Variants in F5 observed in about 807,000 individuals in gnomAD.
F5 encodes the protein coagulation factor V.
A neutral mutation model predicts 216.4 loss-of-function variants in F5; 138 were observed. The observed-to-expected ratio is 0.64, with a 90% confidence interval of 0.56 to 0.73. The LOEUF is 0.73. Among genes scored for constraint, F5 ranks in the 30% least tolerant of loss-of-function variants. The pLI is 0.00. For missense variants in F5, 2,403 were observed against 2,674.0 expected, an observed-to-expected ratio of 0.90 and a Z score of 2.24; for synonymous variants, 916 against 930.7, an observed-to-expected ratio of 0.98 and a Z score of 0.29.
intron 8 of F5, 95 bp downstream of exon 8, chr1:169,552,462 G>T (rs544211979): frequency 1.9e-6 from 2 of 1,028,440 alleles, no homozygotes; most frequent in East Asian, 2.5e-5. Flanking sequence ...AAAATTATAT[G>T]AGCATCTTTT....
intron 10 of F5, among the ~76,000 whole-genome samples, chr1:169,548,852 G>T (rs1279692239): frequency 1.4e-5 from 2 of 146,560 alleles, no homozygotes; most frequent in Non-Finnish European, 3.0e-5. Flanking sequence ...CTGGGTGACA[G>T]AGTGAGACTC....
At chr1:169,557,458 C>G (rs752122703) in intron 5 of F5, among the ~76,000 whole-genome samples, 1 of 152,086 alleles carries the variant, frequency 6.6e-6, no homozygotes, top group Non-Finnish European at 1.5e-5. Flanking sequence ...GTTTTAATGA[C>G]AAGTCAACGA....
At chr1:169,574,714 A>C (rs1660804219) in intron 2 of F5, among the ~76,000 whole-genome samples, 1 of 152,222 alleles carries the variant, frequency 6.6e-6, no homozygotes, top group Non-Finnish European at 1.5e-5. Flanking sequence ...ACTGAGCCTC[A>C]GAGAGTTTAA....
rs1477858141 is a variant in F5, at chr1:169,560,608, G to C, written c.532C>G (p.Leu178Val). 1 of 1,613,726 alleles carries C rather than the reference G, an allele frequency of 6.2e-7. No individual in the cohort carries two copies. The highest frequency in any genetic ancestry group is 2.2e-5 in the East Asian group (1 of 44,842). Residue 178 changes from leucine (L) to valine (V), a missense_variant, in exon 4 of 25, where the codon CTG (leucine) becomes GTG (valine). By Grantham distance (32) the Leu-to-Val change is conservative. Around this residue, in one of 4 missense-constraint regions of F5, gnomAD observed 1,425 missense variants for 1,554.8 expected, o/e 0.92. Coordinates refer to ENST00000367797, the MANE Select transcript of F5 (RefSeq NM_000130.5). ...LTHIYYSHENLIEDFNSGLIG... is the reference protein window; with the variant it reads ...LTHIYYSHENVIEDFNSGLIG... ...AGCCCCGAGTTGAAATCCTCGATCAGATTTTCATGGGAGTAATAGATGTGT... is the reference window on the plus strand; with the variant it reads ...AGCCCCGAGTTGAAATCCTCGATCACATTTTCATGGGAGTAATAGATGTGT...
intron 15 of F5, among the ~76,000 whole-genome samples, chr1:169,530,096 A>C (rs1179385119): frequency 6.6e-6 from 1 of 152,214 alleles, no homozygotes; most frequent in Non-Finnish European, 1.5e-5. Flanking sequence ...TTACTATATT[A>C]AATGATTTGC....
Position 169,543,020 on chromosome 1 carries a change from T to C in F5, c.2070A>G (p.Glu690=), listed in dbSNP as rs78621730. The C allele has an allele frequency of 2.5e-6, 4 of 1,614,052 alleles. No homozygotes were observed. The highest frequency in any genetic ancestry group is 3.4e-6 in the Non-Finnish European group (4 of 1,179,924). ...GAGGTTCAAAAATCTCATATGAGTCTTCATCATCATCTGGGATACATTTAA... is the reference window on the plus strand; with the variant it reads ...GAGGTTCAAAAATCTCATATGAGTCCTCATCATCATCTGGGATACATTTAA... ...RDVKCIPDDD[E]DSYEIFEPPE... The change falls in exon 13 of 25, where the codon GAA becomes GAG. Residue 690 remains glutamate, a synonymous_variant. Coordinates refer to ENST00000367797, the MANE Select transcript of F5 (RefSeq NM_000130.5).
intron 1 of F5, among the ~76,000 whole-genome samples, chr1:169,585,483 T>G (rs898356772): frequency 1.3e-5 from 2 of 152,178 alleles, no homozygotes; most frequent in Admixed American, 6.6e-5. Context: ...TTCTGAGAAG[T>G]CTTATTTTTA....
chr1:169,560,837 G>T, intron 3 of F5, 71 bp from the exon 4 acceptor site: 1 of 1,381,976 alleles, frequency 7.2e-7, no homozygotes, highest in Non-Finnish European at 1.0e-6. Flanking sequence ...TCTCAAATCT[G>T]GGGATAGCTA....
intron 2 of F5, among the ~76,000 whole-genome samples, chr1:169,581,470 A>G (rs1195007178): frequency 6.6e-6 from 1 of 151,958 alleles, no homozygotes; most frequent in Admixed American, 6.6e-5. Flanking sequence ...TTTTCTAGAT[A>G]GGAGTTAACT....
At chr1:169,550,905 C>T (rs975283702) in intron 8 of F5, among the ~76,000 whole-genome samples, 166 bp from the exon 9 acceptor site, 1 of 152,142 alleles carries the variant, frequency 6.6e-6, no homozygotes, top group Non-Finnish European at 1.5e-5. Context: ...CCCCTCATCA[C>T]TTGGCAGGAG....
At position 169,542,101 on chromosome 1, in the gene F5, C is replaced by T. The variant is rs1571574822; in HGVS notation, c.2989G>A (p.Gly997Ser). ...PLANKPGKQS[G>S]HPKFPRVRHK... ...CTAACTCTAGGAAACTTTGGGTGGC[C>T]ACTCTGCTTTCCAGGCTTGTTGGCA... Residue 997 changes from glycine (G) to serine (S), a missense_variant, in exon 13 of 25, where the codon GGC (glycine) becomes AGC (serine). This residue lies in a region of F5 where 1,425 missense variants were observed against 1,554.8 expected (regional missense o/e 0.92). Coordinates refer to ENST00000367797, the MANE Select transcript of F5 (RefSeq NM_000130.5). 1.2e-6 allele frequency: 2 copies of T among 1,614,072 alleles called. No individual in the cohort carries two copies. Among genetic ancestry groups the T allele is most frequent in the Non-Finnish European group, 1.7e-6 (2 of 1,180,000 alleles).
At chr1:169,575,050 T>C (rs1660813250) in intron 2 of F5, among the ~76,000 whole-genome samples, 1 of 152,206 alleles carries the variant, frequency 6.6e-6, no homozygotes, top group African/African-American at 2.4e-5. Flanking sequence ...AAACATTCAA[T>C]TTAAACCTAT....
chr1:169,541,022 G>A lies in F5; in HGVS notation c.4068C>T (p.Pro1356=), dbSNP rs779491705. ...TNLSPALGQM[P]LSPDPSHTTL... ...TTGTATGGCTGGGGTCTGGAGAAAG[G>A]GGCATCTGACCGAGGGCTGGGGAAA... The change falls in exon 13 of 25, where the codon CCC becomes CCT. Residue 1356 remains proline, a synonymous_variant. Transcript: ENST00000367797. The A allele has an allele frequency of 1.4e-5, 22 of 1,589,646 alleles. No homozygotes were observed. The South Asian group carries it at 2.2e-4, about 16-fold the overall frequency.
chr1:169,549,885 C>T lies in F5; in HGVS notation c.1527G>A (p.Val509=). The T allele has an allele frequency of 3.7e-6, 6 of 1,614,102 alleles. No individual in the cohort carries two copies. The highest frequency in any genetic ancestry group is 5.1e-6 in the Non-Finnish European group (6 of 1,179,994). The change falls in exon 10 of 25, where the codon GTG becomes GTA. Residue 509 remains valine (V), a synonymous_variant. Coordinates refer to ENST00000367797, the MANE Select transcript of F5 (RefSeq NM_000130.5). ...QCLTRPYYSD[V]DIMRDIASGL... is the part of the protein sequence containing the mutation. ...CAGAGGCGATGTCTCTCATGATGTC[C>T]ACGTCACTGTAGTATGGTCTTGTTA... is the stretch of plus-strand genomic sequence containing the variant.
intron 17 of F5, among the ~76,000 whole-genome samples, chr1:169,526,955 C>T (rs1475896738): frequency 6.6e-6 from 1 of 151,618 alleles, no homozygotes; most frequent in Non-Finnish European, 1.5e-5. Context: ...TGTGAAAAAC[C>T]AATAAGAACC....
At chr1:169,521,126 G>T (rs922495431) in intron 21 of F5, among the ~76,000 whole-genome samples, 9 of 152,152 alleles carry the variant, frequency 5.9e-5, no homozygotes, top group African/African-American at 2.2e-4. Context: ...AGCGAGATAT[G>T]ATAGAAAACT....
At chr1:169,543,426 G>A (rs954823618) in intron 12 of F5, among the ~76,000 whole-genome samples, 3 of 151,378 alleles carry the variant, frequency 2.0e-5, no homozygotes, top group Non-Finnish European at 4.4e-5. Flanking sequence ...GCTTAGTGGA[G>A]ATTAGAGGGG....
At chr1:169,574,481 G>C (rs1288354062) in intron 2 of F5, among the ~76,000 whole-genome samples, 1 of 152,200 alleles carries the variant, frequency 6.6e-6, no homozygotes, top group Admixed American at 6.5e-5. Context: ...CCATCCACAA[G>C]TGTCATGGGA....
chr1:169,541,998 T>C lies in F5; in HGVS notation c.3092A>G (p.Lys1031Arg), dbSNP rs750884507. 9 of 1,613,980 alleles carry C rather than the reference T, an allele frequency of 5.6e-6. No homozygotes were observed. Among genetic ancestry groups the C allele is most frequent in the Middle Eastern group, 3.3e-4 (2 of 6,084 alleles). ...GTGTGTGTGCTTCTCTTTTTTCTTT[T>C]TTCGTGTCTTAATGAGAAACTGGCT... Reference protein sequence around the residue: ...KKSQFLIKTRKKKKEKHTHHA... With the variant: ...KKSQFLIKTRRKKKEKHTHHA... Residue 1031 changes from lysine to arginine, a missense_variant, in exon 13 of 25, where the codon AAA (lysine) becomes AGA (arginine). This residue lies in a region of F5 where 1,425 missense variants were observed against 1,554.8 expected (regional missense o/e 0.92). Transcript: ENST00000367797.
Sources: allele counts gnomAD v4.1 joint callset (sites outside exome capture counted in the v4.1 genomes callset), GRCh38; gene constraint gnomAD v4.1.1; regional missense constraint gnomAD v4.1.1; transcripts MANE v1.5; gene names NCBI Gene and HGNC (gene_info 2026-07-23, HGNC 2026-07-21).